Variants in APOL3 observed in about 807,000 individuals in gnomAD.
APOL3 encodes the protein apolipoprotein L3, also known as TNF-inducible protein CG12-1.
Under a neutral mutation model 11.6 loss-of-function variants are expected in APOL3, and 14 were observed. That is an observed-to-expected ratio of 1.21 (90% CI 0.80 to 1.89). The LOEUF is 1.89. Ranked by LOEUF, APOL3 falls within the 40% of genes most tolerant of loss-of-function variation. APOL3 has a pLI of 0.00. For synonymous variants in APOL3, 192 were observed against 190.6 expected, an observed-to-expected ratio of 1.01 and a Z score of -0.06; for missense variants, 483 against 492.1, an observed-to-expected ratio of 0.98 and a Z score of 0.17.
rs1323488205 is a variant in APOL3 at position 36,154,822 on chromosome 22, G to A, written c.223+5847C>T. 2.0e-5 allele frequency among the ~76,000 whole-genome samples: 3 copies of A among 152,150 alleles called. No individual in the cohort carries two copies. In the East Asian group the frequency reaches 5.8e-4, roughly 29 times the overall value. ...AGAATGCCTGTTTTTTCTACACCAA[G>A]TCAACTCTAACCTCTTCCTGGTCTC... On this transcript the variant is annotated intron_variant, in intron 1 of 2. Transcript: ENST00000349314.
intron 1 of APOL3, among the ~76,000 whole-genome samples, chr22:36,148,048 G>A (rs2060284148): frequency 6.6e-6 from 1 of 152,224 alleles, no homozygotes; most frequent in Non-Finnish European, 1.5e-5. Flanking sequence ...ATCAAATAAT[G>A]TCCTTATTCC....
intron 1 of APOL3, chr22:36,149,988 T>C: frequency 2.3e-6 from 1 of 440,016 alleles, no homozygotes; most frequent in Non-Finnish European, 4.6e-6. Flanking sequence ...AAAAAAATTT[T>C]TTTTAGAAAT....
intron 1 of APOL3, chr22:36,155,941 C>A: frequency 5.1e-6 from 1 of 196,154 alleles, no homozygotes; most frequent in South Asian, 1.5e-4. Context: ...GACAGGGAGC[C>A]CTCCCTCCTG....
rs147665008 is a variant in APOL3 at position 36,158,100 on chromosome 22, T to A, written c.223+2569A>T. 4.3e-4 allele frequency among the ~76,000 whole-genome samples: 65 copies of A among 152,080 alleles called. No individual in the cohort carries two copies. The Middle Eastern group carries it at 0.014, about 32-fold the overall frequency. On this transcript the variant is annotated intron_variant, in intron 1 of 2. Transcript: ENST00000349314. ...ATTTAAAAATGGGTAAAAGATAGGA[T>A]CTGAAGAAATAGAAATTAACGTTAA...
chr22:36,145,631 G>C (rs2060170002), intron 1 of APOL3, 32 bp from the exon 3 acceptor site: 1 of 1,610,534 alleles, frequency 6.2e-7, no homozygotes, highest in South Asian at 1.1e-5. Flanking sequence ...AAGATTGGAA[G>C]AAAGTGTGCT....
chr22:36,163,116 A>G (rs941984586), upstream of APOL3, among the ~76,000 whole-genome samples: 5 of 152,224 alleles, frequency 3.3e-5, no homozygotes, highest in Admixed American at 1.3e-4. Context: ...TGTAGTGGCC[A>G]TTGAAGCCCA....
exon 3 of APOL3, chr22:36,140,959 C>T: frequency 1.9e-6 from 1 of 537,778 alleles, no homozygotes; most frequent in South Asian, 2.9e-5. Flanking sequence ...TTCCTATTCC[C>T]CACACTCTCC....
intron 1 of APOL3, among the ~76,000 whole-genome samples, chr22:36,160,401 G>C (rs542564420): frequency 3.3e-5 from 5 of 152,306 alleles, no homozygotes; most frequent in East Asian, 1.9e-4. Flanking sequence ...TCTCACGCAG[G>C]CTGGAACTAG....
chr22:36,155,861 T>C (rs1292118071), intron 1 of APOL3: 1 of 159,104 alleles, frequency 6.3e-6, no homozygotes, highest in Non-Finnish European at 1.4e-5. Flanking sequence ...GGACACAGCA[T>C]GTCCTCCCTG....
rs572362370 is a variant in APOL3, at chr22:36,157,711, T to C, written c.223+2958A>G. On this transcript the variant is annotated intron_variant, in intron 1 of 2. Coordinates refer to ENST00000349314, the Ensembl canonical transcript of APOL3. ...TTAAAGCAAAGGTAACTGTCCACAA[T>C]CCACAAGAAATGCTCAAATCAACAT... Among the ~76,000 whole-genome samples, 13 of 152,300 alleles carry C rather than the reference T, an allele frequency of 8.5e-5. No individual in the cohort carries two copies. In the East Asian group the frequency reaches 2.5e-3, roughly 29 times the overall value.
intron 1 of APOL3, chr22:36,156,831 C>A: frequency 2.4e-6 from 1 of 418,440 alleles, no homozygotes; most frequent in Non-Finnish European, 4.8e-6. Flanking sequence ...CAGCTGCATC[C>A]CCTATGACTG....
At chr22:36,157,255 C>T (rs933471398) in intron 1 of APOL3, among the ~76,000 whole-genome samples, 1 of 152,212 alleles carries the variant, frequency 6.6e-6, no homozygotes, top group Non-Finnish European at 1.5e-5. Context: ...CCAGCTCCCT[C>T]CGGGTCCATG....
At chr22:36,150,847 T>C (rs1460559378) in intron 1 of APOL3, among the ~76,000 whole-genome samples, 1 of 152,220 alleles carries the variant, frequency 6.6e-6, no homozygotes, top group Non-Finnish European at 1.5e-5. Context: ...ATTGGGTCAC[T>C]GCACTCCACC....
intron 2 of APOL3, among the ~76,000 whole-genome samples, chr22:36,142,654 G>T (rs1020280569): frequency 1.3e-5 from 2 of 152,152 alleles, no homozygotes; most frequent in African/African-American, 4.8e-5. Flanking sequence ...CAAAGGAACT[G>T]GGAACTAAGG....
intron 2 of APOL3, among the ~76,000 whole-genome samples, chr22:36,144,006 G>C (rs2060095591): frequency 6.6e-6 from 1 of 152,118 alleles, no homozygotes; most frequent in African/African-American, 2.4e-5. Context: ...AACTCTCCAA[G>C]CTGGCCCGAA....
chr22:36,145,674 C>T (rs558949757), intron 1 of APOL3, 75 bp from the exon 3 acceptor site: 17 of 1,564,708 alleles, frequency 1.1e-5, no homozygotes, highest in East Asian at 6.8e-5. Context: ...TAAGGTGGTT[C>T]GAGGTTAATC....
intron 2 of APOL3, among the ~76,000 whole-genome samples, chr22:36,145,163 T>C (rs1210623984): frequency 2.0e-5 from 3 of 152,210 alleles, no homozygotes; most frequent in Non-Finnish European, 4.4e-5. Context: ...AGCTTATTTT[T>C]CTCACAATAA....
At chr22:36,141,114 C>T in exon 3 of APOL3, 2 of 1,529,592 alleles carry the variant, frequency 1.3e-6, no homozygotes, top group Non-Finnish European at 1.8e-6. Flanking sequence ...CTTTACCTTG[C>T]CCTCTTTATC....
intron 1 of APOL3, among the ~76,000 whole-genome samples, chr22:36,147,024 A>T (rs2060246566): frequency 1.3e-5 from 2 of 152,132 alleles, no homozygotes; most frequent in South Asian, 4.1e-4. Context: ...AGACAGCGAA[A>T]GACACCACCC....
Sources: allele counts gnomAD v4.1 joint callset (sites outside exome capture counted in the v4.1 genomes callset), GRCh38; gene constraint gnomAD v4.1.1; transcripts MANE v1.5; gene names NCBI Gene and HGNC (gene_info 2026-07-23, HGNC 2026-07-21).